NRXN3: variants seen among roughly 807,000 people sequenced by gnomAD.
NRXN3 encodes neurexin III.
In NRXN3, 32 loss-of-function variants were observed where a neutral mutation model predicts 137.6. The observed-to-expected ratio is 0.23, with a 90% CI of 0.18 to 0.31. The LOEUF (loss-of-function observed/expected upper bound fraction) is 0.31. Among genes scored for constraint, NRXN3 ranks in the 10% least tolerant of loss-of-function variants. The probability of loss-of-function intolerance (pLI) is 1.00; values close to 1 mark genes in which losing one functional copy is unlikely to be tolerated. For synonymous variants in NRXN3, 798 were observed against 784.5 expected, an observed-to-expected ratio of 1.02 and a Z score of -0.29; for missense variants, 1,574 against 2,062.5, an observed-to-expected ratio of 0.76 and a Z score of 4.59.
intron 15 of NRXN3, among the ~76,000 whole-genome samples, chr14:79,036,215 C>A (rs576838051): frequency 6.6e-6 from 1 of 152,014 alleles, no homozygotes; most frequent in Non-Finnish European, 1.5e-5. Context: ...ACTTCCCCCC[C>A]ACCTCCAACT....
chr14:79,051,705 C>A (rs1391260856), intron 15 of NRXN3, among the ~76,000 whole-genome samples: 2 of 152,158 alleles, frequency 1.3e-5, no homozygotes, highest in African/African-American at 2.4e-5. Context: ...GTCAGAGGAA[C>A]CTAACACATT....
At chr14:79,507,649 C>T (rs899259356) in intron 16 of NRXN3, among the ~76,000 whole-genome samples, 1 of 152,052 alleles carries the variant, frequency 6.6e-6, no homozygotes, top group African/African-American at 2.4e-5. Flanking sequence ...TATCTAGGTG[C>T]ATATTGCCTG....
At chr14:79,533,192 G>A (rs530841274) in intron 16 of NRXN3, among the ~76,000 whole-genome samples, 1 of 152,096 alleles carries the variant, frequency 6.6e-6, no homozygotes, top group African/African-American at 2.4e-5. Context: ...TTTTACAGAT[G>A]AGAAAACTGA....
intron 16 of NRXN3, among the ~76,000 whole-genome samples, chr14:79,527,610 T>G (rs1362776644): frequency 6.6e-6 from 1 of 151,912 alleles, no homozygotes; most frequent in Non-Finnish European, 1.5e-5. Context: ...TGGTGGCTCA[T>G]GCCTGTAATC....
intron 15 of NRXN3, among the ~76,000 whole-genome samples, chr14:79,127,331 C>G (rs2056694019): frequency 6.6e-6 from 1 of 152,090 alleles, no homozygotes; most frequent in East Asian, 1.9e-4. Context: ...AGTCTTTAAT[C>G]CATCTTGAAT....
intron 15 of NRXN3, among the ~76,000 whole-genome samples, chr14:79,342,332 T>C (rs1006092505): frequency 6.6e-6 from 1 of 152,198 alleles, no homozygotes. Flanking sequence ...CAACACAGGG[T>C]TGTCCCCAGA....
chr14:78,952,418 A>G (rs1456439174), intron 10 of NRXN3, among the ~76,000 whole-genome samples: 1 of 152,142 alleles, frequency 6.6e-6, no homozygotes, highest in Non-Finnish European at 1.5e-5. Flanking sequence ...TTCTTCCTTC[A>G]GTCCTGTTCT....
intron 15 of NRXN3, among the ~76,000 whole-genome samples, chr14:79,272,001 G>A (rs144271386): frequency 6.6e-6 from 1 of 152,244 alleles, no homozygotes; most frequent in African/African-American, 2.4e-5. Context: ...GTGGACCCAG[G>A]ATTTGAACTC....
chr14:79,064,303 GT>G (rs1045709531), intron 15 of NRXN3, among the ~76,000 whole-genome samples: 1 of 151,438 alleles, frequency 6.6e-6, no homozygotes, highest in African/African-American at 2.4e-5. Context: ...AGAACACTAA[GT>G]TTTTTTTTCA....
chr14:78,761,836 ACAGCATTTGAT>A (rs1231558471), intron 8 of NRXN3, among the ~76,000 whole-genome samples: 1 of 152,158 alleles, frequency 6.6e-6, no homozygotes, highest in African/African-American at 2.4e-5. Context: ...CACTTTTTGG[ACAGCATTTGAT>A]GTAAGCCCTG....
At chr14:79,546,794 C>T (rs1284214924) in intron 16 of NRXN3, among the ~76,000 whole-genome samples, 1 of 152,136 alleles carries the variant, frequency 6.6e-6, no homozygotes, top group Non-Finnish European at 1.5e-5. Flanking sequence ...TCTATAACCC[C>T]AGCTGAAGCC....
intron 4 of NRXN3, among the ~76,000 whole-genome samples, chr14:78,377,551 C>T (rs8005435): frequency 0.98 from 149,164 of 152,380 alleles, 73,058 homozygotes; most frequent in Non-Finnish European, 1. Context: ...CTAGGGATGC[C>T]GTAACATAAT....
intron 1 of NRXN3, among the ~76,000 whole-genome samples, chr14:78,224,461 T>C (rs10149422): frequency 0.24 from 37,041 of 151,688 alleles, 4,648 homozygotes; most frequent in East Asian, 0.4. Flanking sequence ...GAGTGTGATG[T>C]TCCCCTTCCT....
chr14:78,985,087 G>T (rs905177566), intron 14 of NRXN3, among the ~76,000 whole-genome samples: 1 of 152,124 alleles, frequency 6.6e-6, no homozygotes, highest in Non-Finnish European at 1.5e-5. Flanking sequence ...TATAATCCCC[G>T]CCCTGTATTT....
intron 4 of NRXN3, among the ~76,000 whole-genome samples, chr14:78,386,820 G>T (rs1210128984): frequency 1.3e-5 from 2 of 150,756 alleles, no homozygotes; most frequent in Non-Finnish European, 3.0e-5. Flanking sequence ...TCACTCTATT[G>T]CCCAGGCTGG....
chr14:78,707,555 T>C (rs2098365245), intron 6 of NRXN3, among the ~76,000 whole-genome samples: 1 of 152,210 alleles, frequency 6.6e-6, no homozygotes, highest in South Asian at 2.1e-4. Flanking sequence ...TAGAAAGTCA[T>C]AACAGATTTT....
intron 4 of NRXN3, among the ~76,000 whole-genome samples, chr14:78,321,064 C>T (rs2079290894): frequency 1.3e-5 from 2 of 151,316 alleles, no homozygotes; most frequent in South Asian, 4.2e-4. Flanking sequence ...TGCAGTGAGC[C>T]GAGATCGCAC....
At chr14:79,678,879 A>G (rs1427759648) in intron 17 of NRXN3, among the ~76,000 whole-genome samples, 1 of 152,112 alleles carries the variant, frequency 6.6e-6, no homozygotes, top group Non-Finnish European at 1.5e-5. Context: ...GTGAAATTCA[A>G]AGGAACCTAG....
intron 4 of NRXN3, among the ~76,000 whole-genome samples, chr14:78,389,914 A>G (rs1698111993): frequency 6.6e-6 from 1 of 152,216 alleles, no homozygotes. Context: ...ATAAAGTACT[A>G]AACAAAATTA....
Sources: allele counts gnomAD v4.1 joint callset (sites outside exome capture counted in the v4.1 genomes callset), GRCh38; gene constraint gnomAD v4.1.1; transcripts MANE v1.5; gene names NCBI Gene and HGNC (gene_info 2026-07-23, HGNC 2026-07-21).